The following COL9A1 variants were observed in gnomAD, a reference collection of about 807,000 sequenced individuals.
COL9A1 encodes collagen alpha-1(IX) chain.
Under a neutral mutation model 142.6 loss-of-function variants are expected in COL9A1, and 104 were observed. That is an observed-to-expected ratio of 0.73 (90% CI 0.62 to 0.86). The LOEUF (loss-of-function observed/expected upper bound fraction) is 0.86. Among genes scored for constraint, COL9A1 ranks in the 40% least tolerant of loss-of-function variants. The pLI is 0.00. For missense variants in COL9A1, 1,210 were observed against 1,176.6 expected (o/e 1.03, Z -0.42); for synonymous variants, 466 against 396.0 (o/e 1.18, Z -2.10).
chr6:70,258,900 T>G (rs1220387447), intron 20 of COL9A1, among the ~76,000 whole-genome samples: 1 of 152,170 alleles, frequency 6.6e-6, no homozygotes, highest in Non-Finnish European at 1.5e-5. Flanking sequence ...TTCTAGGGGA[T>G]GATTTAAATC....
chr6:70,300,187 G>C lies in COL9A1; in HGVS notation c.167-12C>G. 6.2e-7 allele frequency: 1 copy of C among 1,613,322 alleles called. No individual in the cohort carries two copies. Among genetic ancestry groups the C allele is most frequent in the African/African-American group, 1.3e-5 (1 of 74,882 alleles). On this transcript the variant is annotated splice_polypyrimidine_tract_variant and intron_variant, in intron 3 of 37. Coordinates refer to ENST00000357250, the MANE Select transcript of COL9A1 (RefSeq NM_001851.6). ...GATCAGATCAAACCCTATAGAATGG[G>C]AATACAAAATGAAAAGTCTAAAATG...
At position 70,302,058 on chromosome 6, in the gene COL9A1, A is replaced by G; in HGVS notation, c.31T>C (p.Phe11Leu). Residue 11 changes from phenylalanine to leucine, a missense_variant, in exon 2 of 38, where the codon TTC becomes CTC. Coordinates refer to ENST00000357250, the MANE Select transcript of COL9A1 (RefSeq NM_001851.6). Reference protein sequence around the residue: MKTCWKIPVFFFVCSFLEPWA... With the variant: MKTCWKIPVFLFVCSFLEPWA... ...GGTTCCAGGAAACTGCACACAAAGA[A>G]GAAAACTGGAATTTTCCTGAAGAAG... 3 of 1,611,462 alleles carry G rather than the reference A, an allele frequency of 1.9e-6. No individual in the cohort carries two copies. In the South Asian group the frequency reaches 3.3e-5, roughly 18 times the overall value.
At chr6:70,283,205 G>A (rs1460998065) in intron 6 of COL9A1, 1 of 1,467,476 alleles carries the variant, frequency 6.8e-7, no homozygotes, top group South Asian at 1.4e-5. Flanking sequence ...CCCGGGAGGC[G>A]CGCGTTCCCC....
intron 36 of COL9A1, among the ~76,000 whole-genome samples, chr6:70,228,261 G>C (rs963805004): frequency 6.6e-6 from 1 of 152,026 alleles, no homozygotes. Context: ...GATTGAAATT[G>C]GGGATTTAGC....
intron 4 of COL9A1, among the ~76,000 whole-genome samples, chr6:70,296,637 C>T (rs1317229700): frequency 6.6e-6 from 1 of 152,042 alleles, no homozygotes; most frequent in Non-Finnish European, 1.5e-5. Context: ...AAATGCACTG[C>T]CTATTGTATA....
intron 33 of COL9A1, 105 bp downstream of exon 33, chr6:70,239,149 A>AG: frequency 1.2e-6 from 1 of 836,582 alleles, no homozygotes; most frequent in Non-Finnish European, 1.9e-6. Flanking sequence ...AAAAAAAAAA[A>AG]GAATTGAATG....
At chr6:70,242,797 A>G in intron 28 of COL9A1, 82 bp from the exon 29 acceptor site, 1 of 1,389,666 alleles carries the variant, frequency 7.2e-7, no homozygotes, top group African/African-American at 1.4e-5. Flanking sequence ...ATAACATCCT[A>G]CCTAGGTTTT....
chr6:70,251,471 C>G (rs952134009), intron 28 of COL9A1, among the ~76,000 whole-genome samples: 1 of 152,200 alleles, frequency 6.6e-6, no homozygotes, highest in Non-Finnish European at 1.5e-5. Flanking sequence ...TGCATGAGCC[C>G]AGGAGTTCAA....
chr6:70,256,358 C>G (rs1406331600), intron 21 of COL9A1, among the ~76,000 whole-genome samples: 1 of 152,008 alleles, frequency 6.6e-6, no homozygotes, highest in Non-Finnish European at 1.5e-5. Context: ...CAAAAACAGG[C>G]TTGAGGAAAC....
chr6:70,241,486 T>G (rs1227851702), intron 30 of COL9A1, 32 bp from the exon 31 acceptor site: 1 of 1,574,154 alleles, frequency 6.4e-7, no homozygotes, highest in East Asian at 2.2e-5. Flanking sequence ...ACTTTTTCAG[T>G]ATTTTCAACT....
At chr6:70,274,648 T>G in intron 11 of COL9A1, 71 bp downstream of exon 11, 5 of 1,269,936 alleles carry the variant, frequency 3.9e-6, no homozygotes, top group Non-Finnish European at 5.7e-6. Flanking sequence ...GTTAGTTGGC[T>G]TGCAAACACT....
At chr6:70,217,371 T>G (rs1425330581) in intron 37 of COL9A1, among the ~76,000 whole-genome samples, 1 of 152,124 alleles carries the variant, frequency 6.6e-6, no homozygotes, top group Non-Finnish European at 1.5e-5. Context: ...CAGCCACAGG[T>G]GCCTATTGAG....
intron 28 of COL9A1, chr6:70,246,267 G>A (rs902354023): frequency 1.3e-5 from 2 of 152,114 alleles, no homozygotes; most frequent in Non-Finnish European, 2.9e-5. Flanking sequence ...GGCTGAGGGG[G>A]GAGAATTTCT....
At chr6:70,296,542 A>G (rs1773857401) in intron 4 of COL9A1, among the ~76,000 whole-genome samples, 1 of 152,032 alleles carries the variant, frequency 6.6e-6, no homozygotes, top group Non-Finnish European at 1.5e-5. Context: ...AGTTTGTCAT[A>G]TTTTCTTTGA....
chr6:70,240,729 G>A lies in COL9A1; in HGVS notation c.2039C>T (p.Ala680Val), dbSNP rs1036563613. 6 of 1,611,912 alleles carry A rather than the reference G, an allele frequency of 3.7e-6. No individual in the cohort carries two copies. Among genetic ancestry groups the A allele is most frequent in the Non-Finnish European group, 5.1e-6 (6 of 1,178,684 alleles). ...GEPGPKGEQG[A>V]SGEEGEAGER... is the part of the protein sequence containing the mutation. ...TCCTGCTTCACCTTCTTCACCAGAGGCACCCTAAAAATTAAGATAAAAGGT... is the reference window on the plus strand; with the variant it reads ...TCCTGCTTCACCTTCTTCACCAGAGACACCCTAAAAATTAAGATAAAAGGT... The change falls in exon 32 of 38, where the codon GCC (alanine) becomes GTC (valine). Residue 680 changes from alanine to valine, a missense_variant. Ala to Val is a moderately conservative substitution (Grantham distance 64). Transcript: ENST00000357250.
chr6:70,255,037 A>G (rs746798384), intron 23 of COL9A1, 21 bp from the exon 24 acceptor site: 12 of 1,613,924 alleles, frequency 7.4e-6, no homozygotes, highest in Non-Finnish European at 1.0e-5. Flanking sequence ...ACAAAGAAAC[A>G]TACTGTCTCT....
intron 19 of COL9A1, 145 bp downstream of exon 19, chr6:70,263,099 C>T (rs1771795557): frequency 3.5e-6 from 2 of 571,634 alleles, no homozygotes; most frequent in Admixed American, 3.3e-5. Context: ...GTAGTTATCC[C>T]CCAGTGCTGG....
intron 37 of COL9A1, among the ~76,000 whole-genome samples, chr6:70,225,393 C>CTGTGA (rs901551304): frequency 3.3e-5 from 5 of 152,130 alleles, no homozygotes; most frequent in African/African-American, 1.2e-4. Context: ...GTTGACACAG[C>CTGTGA]TGTGATGTGT....
chr6:70,232,325 G>C (rs1769602190), intron 36 of COL9A1, among the ~76,000 whole-genome samples: 1 of 152,192 alleles, frequency 6.6e-6, no homozygotes, highest in South Asian at 2.1e-4. Context: ...TTGAGGTAGA[G>C]TATAATAGAA....
Sources: allele counts gnomAD v4.1 joint callset (sites outside exome capture counted in the v4.1 genomes callset), GRCh38; gene constraint gnomAD v4.1.1; transcripts MANE v1.5; gene names NCBI Gene and HGNC (gene_info 2026-07-23, HGNC 2026-07-21).